Variants in PPP1R21 observed in about 807,000 individuals in gnomAD.
The protein encoded by PPP1R21 is protein phosphatase 1 regulatory subunit 21.
PPP1R21 carries 85 observed loss-of-function variants against 112.8 expected under a neutral mutation model. That is an observed-to-expected ratio of 0.75 (90% CI 0.63 to 0.90). PPP1R21 has a LOEUF of 0.90. PPP1R21 is among the 40% of genes least tolerant of loss of function. The pLI is 0.00. For synonymous variants in PPP1R21, 381 were observed against 322.3 expected, an observed-to-expected ratio of 1.18 and a Z score of -1.95; for missense variants, 1,199 against 901.5, an observed-to-expected ratio of 1.33 and a Z score of -4.23.
At chr2:48,504,533 C>T (rs1181381596) in intron 17 of PPP1R21, among the ~76,000 whole-genome samples, 1 of 151,996 alleles carries the variant, frequency 6.6e-6, no homozygotes, top group Admixed American at 6.6e-5. Context: ...CCCCACTACT[C>T]GGGAGGCTGA....
chr2:48,465,466 C>A, intron 8 of PPP1R21, 27 bp from the exon 9 acceptor site: 1 of 1,590,224 alleles, frequency 6.3e-7, no homozygotes, highest in Admixed American at 1.8e-5. Context: ...GAGAGTTGAC[C>A]TTAACTATAT....
intron 15 of PPP1R21, 79 bp downstream of exon 15, chr2:48,491,249 G>C (rs1364133007): frequency 3.4e-6 from 5 of 1,464,722 alleles, no homozygotes; most frequent in African/African-American, 1.4e-5. Context: ...TTTTTCTGCA[G>C]TTTATATTGT....
intron 11 of PPP1R21, 48 bp from the exon 12 acceptor site, chr2:48,474,635 T>C: frequency 6.5e-7 from 1 of 1,550,274 alleles, no homozygotes; most frequent in Non-Finnish European, 8.7e-7. Context: ...AGTAGCTAAT[T>C]GAAAATCGTT....
chr2:48,479,350 T>C, intron 12 of PPP1R21: 1 of 382,594 alleles, frequency 2.6e-6, no homozygotes, highest in South Asian at 2.0e-5. Flanking sequence ...TAGTGATTCT[T>C]GGTTTAAATA....
At chr2:48,507,075 T>A (rs1293146537) in intron 18 of PPP1R21, 194 bp from the exon 19 acceptor site, 11 of 688,700 alleles carry the variant, frequency 1.6e-5, no homozygotes, top group Admixed American at 4.4e-5. Flanking sequence ...AATAGAAAGA[T>A]GCTAAATAAA....
intron 1 of PPP1R21, among the ~76,000 whole-genome samples, chr2:48,449,385 C>G (rs1667382567): frequency 6.6e-6 from 1 of 152,138 alleles, no homozygotes; most frequent in South Asian, 2.1e-4. Context: ...ATTTCCCATT[C>G]TATAGACCAT....
At chr2:48,480,850 A>G (rs1668979793) in intron 13 of PPP1R21, among the ~76,000 whole-genome samples, 1 of 152,196 alleles carries the variant, frequency 6.6e-6, no homozygotes, top group South Asian at 2.1e-4. Context: ...GTGTTTCATA[A>G]CATGGATAAG....
intron 1 of PPP1R21, among the ~76,000 whole-genome samples, chr2:48,444,968 T>A (rs914007647): frequency 6.6e-6 from 1 of 151,932 alleles, no homozygotes; most frequent in African/African-American, 2.4e-5. Context: ...TAAAGGGAGC[T>A]TTTTAGACTT....
At chr2:48,478,682 A>G (rs1182042754) in intron 12 of PPP1R21, among the ~76,000 whole-genome samples, 1 of 152,202 alleles carries the variant, frequency 6.6e-6, no homozygotes, top group Non-Finnish European at 1.5e-5. Flanking sequence ...TTTGCGCTTC[A>G]TTCTGACCCC....
chr2:48,496,640 G>A (rs1393557497), intron 16 of PPP1R21, among the ~76,000 whole-genome samples: 1 of 152,100 alleles, frequency 6.6e-6, no homozygotes, highest in Admixed American at 6.5e-5. Flanking sequence ...GCTAGTTTTT[G>A]TATTTTTAGT....
At chr2:48,498,847 A>T (rs1394947194) in intron 17 of PPP1R21, 112 bp downstream of exon 17, 1 of 1,085,248 alleles carries the variant, frequency 9.2e-7, no homozygotes, top group Admixed American at 2.4e-5. Flanking sequence ...ATATCAAAAT[A>T]CCATAAGCTG....
Position 48,514,737 on chromosome 2 carries a change from G to A in PPP1R21, c.2336G>A (p.Ser779Asn), listed in dbSNP as rs763954406. 8 of 1,611,626 alleles carry A rather than the reference G, an allele frequency of 5.0e-6. No individual in the cohort carries two copies. In the South Asian group the frequency reaches 6.6e-5, roughly 13 times the overall value. ...CAGGGGAATTCTAAAAAGAACAAGA[G>A]TCGATAGTTTTGAAATAGCTGGTTG... The part of the protein sequence containing the change: ...SSKGNSKKNK[S>N]R Residue 779 changes from serine (S) to asparagine (N), a missense_variant, in exon 22 of 22, where the codon AGT becomes AAT. Physicochemically the swap from Ser to Asn is conservative, Grantham distance 46. Coordinates refer to ENST00000294952, the MANE Select transcript of PPP1R21 (RefSeq NM_001135629.3).
chr2:48,493,683 TA>T (rs1248432823), intron 15 of PPP1R21, among the ~76,000 whole-genome samples: 2 of 152,326 alleles, frequency 1.3e-5, no homozygotes, highest in Middle Eastern at 3.4e-3. Flanking sequence ...TCTAAATAAT[TA>T]TTTTTTTTCA....
At chr2:48,459,648 A>G in intron 4 of PPP1R21, 106 bp from the exon 5 acceptor site, 4 of 1,239,682 alleles carry the variant, frequency 3.2e-6, no homozygotes, top group Non-Finnish European at 4.5e-6. Flanking sequence ...CATAGTCAGC[A>G]TATGGAACCA....
chr2:48,472,239 C>CAAAAAAAAAAAAAAAAA (rs57711610), intron 11 of PPP1R21, among the ~76,000 whole-genome samples: 2 of 43,036 alleles, frequency 4.6e-5, no homozygotes, highest in African/African-American at 9.7e-5. Flanking sequence ...GACTCCATCT[C>CAAAAAAAAAAAAAAAAA]AAAAAAAAAA....
intron 3 of PPP1R21, among the ~76,000 whole-genome samples, chr2:48,456,641 T>C (rs1465628122): frequency 1.3e-5 from 2 of 152,236 alleles, no homozygotes; most frequent in African/African-American, 4.8e-5. Flanking sequence ...GTTAATAGTT[T>C]TCCCATATGC....
intron 9 of PPP1R21, among the ~76,000 whole-genome samples, chr2:48,469,233 A>G (rs1668347943): frequency 6.8e-6 from 1 of 146,078 alleles, no homozygotes; most frequent in African/African-American, 2.6e-5. Context: ...GGGTGGGGAC[A>G]CAGCCAAACC....
At chr2:48,483,430 G>C (rs1669126056) in intron 13 of PPP1R21, among the ~76,000 whole-genome samples, 1 of 151,976 alleles carries the variant, frequency 6.6e-6, no homozygotes, top group South Asian at 2.1e-4. Flanking sequence ...TGATCCGCCT[G>C]CCTCGGCCTC....
At chr2:48,482,832 A>G (rs773814940) in intron 13 of PPP1R21, among the ~76,000 whole-genome samples, 2 of 151,916 alleles carry the variant, frequency 1.3e-5, no homozygotes, top group Admixed American at 6.6e-5. Flanking sequence ...GGTTTGTTAC[A>G]TAGTTAAATG....
Sources: gnomAD v4.1 joint callset for allele counts (sites outside exome capture counted in the v4.1 genomes callset) on GRCh38, gnomAD v4.1.1 for gene constraint, MANE v1.5 for transcripts, NCBI Gene and HGNC (gene_info 2026-07-23, HGNC 2026-07-21) for gene names.